Variants in DRC3 observed in about 807,000 individuals in gnomAD.
The protein encoded by DRC3 is dynein regulatory complex subunit 3.
Under a neutral mutation model 57.6 loss-of-function variants are expected in DRC3, and 45 were observed. That is an observed-to-expected ratio of 0.78 (90% CI 0.62 to 1.00). DRC3 has a LOEUF of 1.00. Ranked by LOEUF, DRC3 falls within the 50% of genes least tolerant of loss-of-function variation. The pLI is 0.00. For missense variants in DRC3, 655 were observed against 675.2 expected (o/e 0.97, Z 0.33); for synonymous variants, 257 against 272.3 (o/e 0.94, Z 0.55).
At chr17:18,015,594 GAGAC>G in intron 12 of DRC3, 2 of 155,170 alleles carry the variant, frequency 1.3e-5, no homozygotes, top group Admixed American at 6.3e-5. Context: ...TGGCAGTGGA[GAGAC>G]AACTGTGGGG....
intron 10 of DRC3, 95 bp downstream of exon 10, chr17:18,004,589 A>C (rs2043877379): frequency 2.0e-5 from 29 of 1,435,100 alleles, no homozygotes; most frequent in Non-Finnish European, 2.8e-5. Flanking sequence ...CCTCTGCTGG[A>C]AACGTCCAGC....
At chr17:18,007,548 A>G in intron 12 of DRC3, 2 of 1,520,994 alleles carry the variant, frequency 1.3e-6, no homozygotes, top group South Asian at 2.5e-5. Flanking sequence ...TGGAACCACC[A>G]TTTCTGATCC....
chr17:17,979,838 C>G (rs1345932381), intron 3 of DRC3, among the ~76,000 whole-genome samples: 1 of 152,194 alleles, frequency 6.6e-6, no homozygotes, highest in African/African-American at 2.4e-5. Flanking sequence ...TGGCCAGTAT[C>G]ATTCTGGGAA....
At position 17,987,887 on chromosome 17, in the gene DRC3, C is replaced by A. The variant is rs768612492; in HGVS notation, c.278-45C>A. ...TGGTTTTATTTCAGGACAGCCCATCCCCTGACCCAGGCAGCAGACCCTCAC... is the reference window on the plus strand; with the variant it reads ...TGGTTTTATTTCAGGACAGCCCATCACCTGACCCAGGCAGCAGACCCTCAC... On this transcript the variant is annotated intron_variant, in intron 4 of 13. Transcript: ENST00000399187. 1.9e-6 allele frequency: 3 copies of A among 1,600,370 alleles called. No homozygotes were observed. The Admixed American group carries it at 5.0e-5, about 27-fold the overall frequency.
rs763193733 is a variant in DRC3, at chr17:18,016,573, A to G, written c.1474A>G (p.Ile492Val). The stretch of plus-strand genomic sequence containing the variant: ...CACTCCTCAGATTCACAAGGATGAG[A>G]TCATGAGGAACCGCAAGCGCGTGAA... ...RLIDRIHKDE[I>V]MRNRKRVKEI... Residue 492 changes from isoleucine to valine, a missense_variant, in exon 14 of 14, where the codon ATC (isoleucine) becomes GTC (valine). By Grantham distance (29) the Ile-to-Val change is conservative. Transcript: ENST00000399187. 8.1e-6 allele frequency: 13 copies of G among 1,613,528 alleles called. No individual in the cohort carries two copies. The highest frequency in any genetic ancestry group is 1.1e-5 in the Non-Finnish European group (13 of 1,179,524).
In DRC3 at chr17:17,997,741, C is replaced by T. The variant is rs1378405721; in HGVS notation, c.999+107C>T. The T allele has an allele frequency of 6.6e-6, 7 of 1,053,480 alleles. No individual in the cohort carries two copies. In the Middle Eastern group the frequency reaches 1.2e-3, roughly 187 times the overall value. The allele number at this position is 1,053,480 out of a possible 1,614,324, so 65.3% of individuals were successfully genotyped here. A position where few individuals can be genotyped will look rare whatever the true frequency, so the allele number is the denominator to read the frequency against. ...TGCAACTCCTGTACCCTCTGATGAC[C>T]CCTGAGGCCAATGGTTATTGTCCCC... On this transcript the variant is annotated intron_variant, in intron 9 of 13. Transcript: ENST00000399187.
In DRC3 at chr17:18,016,471, A is replaced by G. The variant is rs2044367764; in HGVS notation, c.1459-87A>G. The G allele has an allele frequency of 7.9e-6, 8 of 1,009,662 alleles. No individual in the cohort carries two copies. In the Admixed American group the frequency reaches 1.3e-4, roughly 16 times the overall value. The allele number at this position is 1,009,662 out of a possible 1,614,324, so 62.5% of individuals were successfully genotyped here. On this transcript the variant is annotated intron_variant, in intron 13 of 13. Transcript: ENST00000399187. The stretch of plus-strand genomic sequence containing the variant: ...TGAGGTTTGCAGATCTAAAGGAACT[A>G]TTTTCCCCTTCCCTCAAACTGGATT...
At position 18,003,832 on chromosome 17, in the gene DRC3, T is replaced by G. The variant is rs58114459; in HGVS notation, c.1000-531T>G. Among the ~76,000 whole-genome samples, 15 of 150,400 alleles carry G rather than the reference T, an allele frequency of 1.0e-4. No homozygotes were observed. In the East Asian group the frequency reaches 3.0e-3, roughly 30 times the overall value. ...TAATTTTTTTTTTTTTTTGTATTTT[T>G]AGTATAGATGGGGTTTCACTGTGAT... is the stretch of plus-strand genomic sequence containing the variant. On this transcript the variant is annotated intron_variant, in intron 9 of 13. Coordinates refer to ENST00000399187, the MANE Select transcript of DRC3 (RefSeq NM_031294.4).
At chr17:18,010,703 A>T (rs1487535780) in intron 12 of DRC3, 1 of 170,400 alleles carries the variant, frequency 5.9e-6, no homozygotes, top group African/African-American at 2.4e-5. Flanking sequence ...AAACCATGGA[A>T]GCTTTGTCAG....
chr17:18,013,262 C>G (rs2044230854), intron 12 of DRC3, among the ~76,000 whole-genome samples: 1 of 152,158 alleles, frequency 6.6e-6, no homozygotes, highest in Admixed American at 6.5e-5. Context: ...AAACTACAAA[C>G]AGAACTATCA....
At position 17,979,922 on chromosome 17, in the gene DRC3, C is replaced by T. The variant is rs144851074; in HGVS notation, c.160+2164C>T. 2.6e-3 allele frequency among the ~76,000 whole-genome samples: 388 copies of T among 151,490 alleles called. 1 individual carries two copies. Among genetic ancestry groups the T allele is most frequent in the Non-Finnish European group, 2.2e-3 (146 of 67,804 alleles). On this transcript the variant is annotated intron_variant, in intron 3 of 13. Coordinates refer to ENST00000399187, the MANE Select transcript of DRC3 (RefSeq NM_031294.4). ...CCCTGGGAACCCAGGAGAGGCACTA[C>T]GCAGCAATCCGGCTCTAGGGGAAGG...
intron 8 of DRC3, among the ~76,000 whole-genome samples, chr17:17,996,791 T>C (rs952417636): frequency 2.6e-5 from 4 of 152,186 alleles, no homozygotes; most frequent in African/African-American, 7.2e-5. Context: ...GGGCAAGGCA[T>C]TTCATCTCTC....
At chr17:17,990,030 C>T (rs1424334674) in intron 5 of DRC3, among the ~76,000 whole-genome samples, 1 of 152,224 alleles carries the variant, frequency 6.6e-6, no homozygotes, top group Admixed American at 6.5e-5. Context: ...CTGGGCTCTG[C>T]CATCCTCAGC....
At chr17:18,002,187 C>T (rs2043764197) in intron 9 of DRC3, among the ~76,000 whole-genome samples, 2 of 152,110 alleles carry the variant, frequency 1.3e-5, no homozygotes, top group African/African-American at 4.8e-5. Flanking sequence ...AAAAATCTCC[C>T]AGGTTTTCTG....
chr17:17,986,158 C>G (rs1384786048), intron 4 of DRC3, among the ~76,000 whole-genome samples: 1 of 152,190 alleles, frequency 6.6e-6, no homozygotes, highest in South Asian at 2.1e-4. Context: ...GCAATCCACC[C>G]GCCTCAGCCT....
rs551791707 is a variant in DRC3, at chr17:17,982,100, C to G, written c.161-1728C>G. Reference sequence around the variant, plus strand: ...CTCTGCCTCCTGGGTTCAAGCGATTCTCCTGCCTCAGCCTCCAGAGTAGCT... The same window carrying G: ...CTCTGCCTCCTGGGTTCAAGCGATTGTCCTGCCTCAGCCTCCAGAGTAGCT... On this transcript the variant is annotated intron_variant, in intron 3 of 13. Transcript: ENST00000399187. 5.3e-5 allele frequency among the ~76,000 whole-genome samples: 8 copies of G among 152,200 alleles called. No individual in the cohort carries two copies. The South Asian group carries it at 1.7e-3, about 32-fold the overall frequency.
intron 4 of DRC3, 89 bp from the exon 5 acceptor site, chr17:17,987,842 AG>A (rs1278577674): frequency 7.3e-7 from 1 of 1,377,428 alleles, no homozygotes; most frequent in Non-Finnish European, 9.9e-7. Context: ...GCTGGCTCAC[AG>A]GGCACTCAGT....
chr17:18,003,484 T>TAAAA (rs71155309), intron 9 of DRC3, among the ~76,000 whole-genome samples: 11 of 30,124 alleles, frequency 3.7e-4, no homozygotes, highest in Non-Finnish European at 4.9e-4. Context: ...ACTACGTCTT[T>TAAAA]AAAAAAAAAA....
rs1457275102 is a variant in DRC3, at chr17:18,016,045, G to A, written c.1327-19G>A. On this transcript the variant is annotated intron_variant, in intron 12 of 13. Transcript: ENST00000399187. Reference sequence around the variant, plus strand: ...TATAATGACACACACTTTCTCATTGGATTCTTTTCACTCACCAGCTTTTTG... The same window carrying A: ...TATAATGACACACACTTTCTCATTGAATTCTTTTCACTCACCAGCTTTTTG... 1 of 1,612,204 alleles carries A rather than the reference G, an allele frequency of 6.2e-7. No individual in the cohort carries two copies. Among genetic ancestry groups the A allele is most frequent in the South Asian group, 1.1e-5 (1 of 91,016 alleles).
Sources: allele counts gnomAD v4.1 joint callset (sites outside exome capture counted in the v4.1 genomes callset), GRCh38; gene constraint gnomAD v4.1.1; transcripts MANE v1.5; gene names NCBI Gene and HGNC (gene_info 2026-07-23, HGNC 2026-07-21).